Variants in ALOX12 observed in about 807,000 individuals in gnomAD.
ALOX12 encodes the protein polyunsaturated fatty acid lipoxygenase ALOX12.
ALOX12 carries 62 observed loss-of-function variants against 85.5 expected under a neutral mutation model. The ratio of observed to expected loss-of-function variants is 0.73; its 90% confidence interval spans 0.59 to 0.90. The LOEUF is 0.90. Among genes scored for constraint, ALOX12 ranks in the 40% least tolerant of loss-of-function variants. The probability of loss-of-function intolerance (pLI) is 0.00; values close to 1 mark genes in which losing one functional copy is unlikely to be tolerated. For synonymous variants in ALOX12, 299 were observed against 332.7 expected, an observed-to-expected ratio of 0.90 and a Z score of 1.10; for missense variants, 751 against 856.5, an observed-to-expected ratio of 0.88 and a Z score of 1.54.
At chr17:7,009,484 G>A (rs1470996630) in intron 11 of ALOX12, 1 of 424,000 alleles carries the variant, frequency 2.4e-6, no homozygotes, top group East Asian at 4.1e-5. Flanking sequence ...CAGACCAGGT[G>A]ATTTTGATAC....
At position 7,000,201 on chromosome 17, in the gene ALOX12, C is replaced by T; in HGVS notation, c.808-135C>T. 9.9e-7 allele frequency: 1 copy of T among 1,014,422 alleles called. No homozygotes were observed. The highest frequency in any genetic ancestry group is 1.5e-6 in the Non-Finnish European group (1 of 680,390). 62.8% of individuals were successfully genotyped at this position (1,014,422 alleles called of 1,614,324 possible). A position where few individuals can be genotyped will look rare whatever the true frequency, so the allele number is the denominator to read the frequency against. ...GATGAGAGGAACTGGACCAGGGGCT[C>T]TAGTTCTCCCAACAGGGCTCCGGTA... On this transcript the variant is annotated intron_variant, in intron 6 of 13. Transcript: ENST00000251535. The surrounding 1 kb of genome is among the most constrained non-coding windows in gnomAD (Gnocchi z 4.6).
chr17:7,001,779 C>T lies in ALOX12; in HGVS notation c.1129C>T (p.Arg377Trp), dbSNP rs1425694073. The T allele has an allele frequency of 4.3e-6, 7 of 1,613,938 alleles. No individual in the cohort carries two copies. Among genetic ancestry groups the T allele is most frequent in the East Asian group, 2.2e-5 (1 of 44,882 alleles). ...VAEVIAVATM[R>W]CLPGLHPIFK... is the part of the protein sequence containing the mutation. ...TGAGGTCATCGCTGTCGCCACCATG[C>T]GGTGCCTCCCAGGACTGCACCCCAT... The change falls in exon 8 of 14, where the codon CGG (arginine) becomes TGG (tryptophan). Residue 377 changes from arginine to tryptophan, a missense_variant. Physicochemically the swap from Arg to Trp is moderately radical, Grantham distance 101. Coordinates refer to ENST00000251535, the MANE Select transcript of ALOX12 (RefSeq NM_000697.3).
chr17:7,010,534 C>T lies in ALOX12; in HGVS notation c.*111C>T. On this transcript the variant is annotated 3_prime_UTR_variant, in exon 14 of 14. Transcript: ENST00000251535. Reference sequence around the variant, plus strand: ...CTGCTGCTAAGGCTCTATTTCCTCCCCCAGTTAAACCCCCTACATTAGTAT... The same window carrying T: ...CTGCTGCTAAGGCTCTATTTCCTCCTCCAGTTAAACCCCCTACATTAGTAT... 1 of 1,290,978 alleles carries T rather than the reference C, an allele frequency of 7.7e-7. No individual in the cohort carries two copies. Among genetic ancestry groups the T allele is most frequent in the South Asian group, 1.5e-5 (1 of 65,068 alleles). The allele number at this position is 1,290,978 out of a possible 1,614,324, so 80.0% of individuals were successfully genotyped here.
At chr17:7,004,741 A>C (rs371427886) in intron 8 of ALOX12, among the ~76,000 whole-genome samples, 1 of 152,162 alleles carries the variant, frequency 6.6e-6, no homozygotes, top group Non-Finnish European at 1.5e-5. Flanking sequence ...GAAACAACTA[A>C]AAGATGGAGA....
At chr17:7,004,081 A>T (rs917377299) in intron 8 of ALOX12, among the ~76,000 whole-genome samples, 2 of 135,126 alleles carry the variant, frequency 1.5e-5, no homozygotes, top group Admixed American at 1.5e-4. Flanking sequence ...AATTTATTAA[A>T]ATTAAAATTT....
intron 8 of ALOX12, 155 bp downstream of exon 8, chr17:7,001,966 T>C: frequency 1.5e-6 from 1 of 652,410 alleles, no homozygotes; most frequent in Non-Finnish European, 2.6e-6. Flanking sequence ...TTTAATTAAG[T>C]TTATTAAGTT....
In ALOX12 at chr17:7,005,307, G is replaced by A; in HGVS notation, c.1212G>A (p.Arg404=). 1 of 1,613,774 alleles carries A rather than the reference G, an allele frequency of 6.2e-7. No individual in the cohort carries two copies. Among genetic ancestry groups the A allele is most frequent in the East Asian group, 2.2e-5 (1 of 44,868 alleles). The change falls in exon 9 of 14, where the codon CGG becomes CGA. Residue 404 remains arginine (R), a synonymous_variant. Coordinates refer to ENST00000251535, the MANE Select transcript of ALOX12 (RefSeq NM_000697.3). ...CCATGGAAATCAACACCCGGGCCCG[G>A]ACCCAACTCATCTCAGATGGAGGAA... The part of the protein sequence containing the change: ...RYTMEINTRA[R]TQLISDGGIF...
intron 11 of ALOX12, among the ~76,000 whole-genome samples, chr17:7,008,075 T>C (rs1472495659): frequency 3.3e-5 from 5 of 152,184 alleles, no homozygotes. Flanking sequence ...CTCTGTCCTC[T>C]GCTCATAAAG....
At position 7,000,044 on chromosome 17, in the gene ALOX12, C is replaced by T. The variant is rs1327556278; in HGVS notation, c.808-292C>T. The stretch of plus-strand genomic sequence containing the variant: ...CGGGAATGATCAGAAAGGGGCCTGG[C>T]CATTTGACAGGTGGTCAGTTTACAA... On this transcript the variant is annotated intron_variant, in intron 6 of 13. Coordinates refer to ENST00000251535, the MANE Select transcript of ALOX12 (RefSeq NM_000697.3). The surrounding 1 kb of genome is among the most constrained non-coding windows in gnomAD (Gnocchi z 4.6). Among the ~76,000 whole-genome samples, 1 of 152,156 alleles carries T rather than the reference C, an allele frequency of 6.6e-6. No homozygotes were observed.
At chr17:6,999,225 T>C in intron 5 of ALOX12, 81 bp from the exon 6 acceptor site, 1 of 1,584,862 alleles carries the variant, frequency 6.3e-7, no homozygotes, top group Non-Finnish European at 8.6e-7. Context: ...GAGGGTTATA[T>C]ACCTGAACCC....
Position 7,009,944 on chromosome 17 carries a change from T to C in ALOX12, c.1642-12T>C. 3 of 1,613,384 alleles carry C rather than the reference T, an allele frequency of 1.9e-6. No individual in the cohort carries two copies. Among genetic ancestry groups the C allele is most frequent in the Non-Finnish European group, 2.5e-6 (3 of 1,179,416 alleles). On this transcript the variant is annotated splice_polypyrimidine_tract_variant and intron_variant, in intron 12 of 13. Coordinates refer to ENST00000251535, the MANE Select transcript of ALOX12 (RefSeq NM_000697.3). ...AGTACCAGGGTTCTAGGGTTACAGTTTCTTCCTCCAGCTGGACTGGTATGC... is the reference window on the plus strand; with the variant it reads ...AGTACCAGGGTTCTAGGGTTACAGTCTCTTCCTCCAGCTGGACTGGTATGC...
chr17:7,006,551 T>G lies in ALOX12; in HGVS notation c.1484T>G (p.Leu495Arg), dbSNP rs1269087224. ...GACATAGTGAAGGGGGACCCTGAGC[T>G]GCAGGCCTGGTGTCGGGAGATCACG... ...RDDIVKGDPE[L>R]QAWCREITEV... The change falls in exon 11 of 14, where the codon CTG becomes CGG. Residue 495 changes from leucine (L) to arginine (R), a missense_variant. By Grantham distance (102) the Leu-to-Arg change is moderately radical. Transcript: ENST00000251535. 6.2e-7 allele frequency: 1 copy of G among 1,613,616 alleles called. No individual in the cohort carries two copies. Among genetic ancestry groups the G allele is most frequent in the African/African-American group, 1.3e-5 (1 of 75,014 alleles).
intron 8 of ALOX12, among the ~76,000 whole-genome samples, chr17:7,004,221 AT>A (rs1908891059): frequency 8.5e-6 from 1 of 117,888 alleles, no homozygotes; most frequent in Non-Finnish European, 1.8e-5. Context: ...TATTAAATTA[AT>A]TTAATTTAAT....
rs761301335 is a variant in ALOX12, at chr17:7,006,044, T to A, written c.1418+17T>A. On this transcript the variant is annotated intron_variant, in intron 10 of 13. Coordinates refer to ENST00000251535, the MANE Select transcript of ALOX12 (RefSeq NM_000697.3). The stretch of plus-strand genomic sequence containing the variant: ...CATTGCCAGGTGAGTAAGGAGGAGC[T>A]GAGAAATGGTGGGGCCGGGGGGGGG... 1.8e-6 allele frequency: 1 copy of A among 543,730 alleles called. No individual in the cohort carries two copies. Among genetic ancestry groups the A allele is most frequent in the Non-Finnish European group, 2.3e-6 (1 of 438,470 alleles). 33.7% of individuals were successfully genotyped at this position (543,730 alleles called of 1,614,324 possible). A position where few individuals can be genotyped will look rare whatever the true frequency, so the allele number is the denominator to read the frequency against.
chr17:6,996,471 C>A (rs1908444180), intron 1 of ALOX12, among the ~76,000 whole-genome samples: 2 of 152,126 alleles, frequency 1.3e-5, no homozygotes, highest in Admixed American at 1.3e-4. Flanking sequence ...CCCTTTCCCG[C>A]CCCTGGTCCC....
rs1269060370 is a variant in ALOX12 at position 7,001,777 on chromosome 17, T to C, written c.1127T>C (p.Met376Thr). Residue 376 changes from methionine (M) to threonine (T), a missense_variant, in exon 8 of 14, where the codon ATG (methionine) becomes ACG (threonine). Transcript: ENST00000251535. ...GCTGAGGTCATCGCTGTCGCCACCA[T>C]GCGGTGCCTCCCAGGACTGCACCCC... ...LVAEVIAVAT[M>T]RCLPGLHPIF... The C allele has an allele frequency of 1.2e-6, 2 of 1,613,994 alleles. No homozygotes were observed. The highest frequency in any genetic ancestry group is 3.3e-5 in the Admixed American group (2 of 59,998).
At position 6,998,770 on chromosome 17, in the gene ALOX12, G is replaced by C; in HGVS notation, c.475G>C (p.Asp159His). Residue 159 changes from aspartate (D) to histidine (H), a missense_variant, in exon 4 of 14, where the codon GAT becomes CAT. Transcript: ENST00000251535. ...PLTIAADRKD[D>H]LPPNMRFHEE... ...GACCATCGCTGCAGACCGTAAGGAT[G>C]ATCTACCTCCAAATATGAGATTCCA... The C allele has an allele frequency of 6.2e-7, 1 of 1,614,164 alleles. No individual in the cohort carries two copies.
rs1325729831 is a variant in ALOX12, at chr17:6,998,660, CT to C, written c.420-54del. 5 of 1,613,042 alleles carry C rather than the reference CT, an allele frequency of 3.1e-6. No individual in the cohort carries two copies. The East Asian group carries it at 1.1e-4, about 36-fold the overall frequency. ...CCCTTCCCTGCCCCTGCCCCTGCCC[CT>C]GGCCCCATCACTGACCATGACATCC... is the stretch of plus-strand genomic sequence containing the variant. On this transcript the variant is annotated intron_variant, in intron 3 of 13. Coordinates refer to ENST00000251535, the MANE Select transcript of ALOX12 (RefSeq NM_000697.3).
In ALOX12 at chr17:7,010,443, TGCAA is replaced by T. The variant is rs770760787; in HGVS notation, c.*22_*25del. The T allele has an allele frequency of 1.2e-6, 2 of 1,602,364 alleles. No individual in the cohort carries two copies. The highest frequency in any genetic ancestry group is 2.7e-5 in the African/African-American group (2 of 74,418). On this transcript the variant is annotated 3_prime_UTR_variant, in exon 14 of 14. Coordinates refer to ENST00000251535, the MANE Select transcript of ALOX12 (RefSeq NM_000697.3). ...ATCTGAGCCCTAGAGTGACTCTACC[TGCAA>T]GATTTCACATCAGCTTTAGGACTGA... is the stretch of plus-strand genomic sequence containing the variant.
Sources: allele counts gnomAD v4.1 joint callset (sites outside exome capture counted in the v4.1 genomes callset), GRCh38; gene constraint gnomAD v4.1.1; non-coding constraint Gnocchi (gnomAD v3.1); transcripts MANE v1.5; gene names NCBI Gene and HGNC (gene_info 2026-07-23, HGNC 2026-07-21).